The following DAB1 variants were observed in gnomAD, a reference collection of about 807,000 sequenced individuals.
DAB1 encodes disabled homolog 1.
Under a neutral mutation model 64.6 loss-of-function variants are expected in DAB1, and 15 were observed. The ratio of observed to expected loss-of-function variants is 0.23; its 90% CI spans 0.16 to 0.36. The LOEUF is 0.36. Among genes scored for constraint, DAB1 ranks in the 10% least tolerant of loss-of-function variants. DAB1 has a pLI of 1.00. For synonymous variants in DAB1, 235 were observed against 251.9 expected (o/e 0.93, Z 0.64); for missense variants, 596 against 706.7 (o/e 0.84, Z 1.78).
chr1:58,262,492 G>A (rs1661068501), intron 4 of DAB1, among the ~76,000 whole-genome samples: 1 of 152,290 alleles, frequency 6.6e-6, no homozygotes, highest in African/African-American at 2.4e-5. Flanking sequence ...GGCTGAGGCA[G>A]GAGAATCGCT....
chr1:57,340,534 C>T (rs533595024), intron 1 of DAB1, among the ~76,000 whole-genome samples: 1 of 152,358 alleles, frequency 6.6e-6, no homozygotes, highest in South Asian at 2.1e-4. Context: ...CGTGGAAACG[C>T]AGTCACTGTA....
chr1:57,155,839 A>G (rs1450486377), intron 2 of DAB1, among the ~76,000 whole-genome samples: 1 of 150,030 alleles, frequency 6.7e-6, no homozygotes, highest in Non-Finnish European at 1.5e-5. Flanking sequence ...CTATTAGCAT[A>G]TAGAAATGCT....
rs140538409 is a variant in DAB1 at position 57,040,320 on chromosome 1, C to T, written c.724-14277G>A. ...CATAAAAACAGAGATGATGATATAGCGCTCTCTGTGCTGTGTCATCATCAT... is the reference window on the plus strand; with the variant it reads ...CATAAAAACAGAGATGATGATATAGTGCTCTCTGTGCTGTGTCATCATCAT... On this transcript the variant is annotated intron_variant, in intron 9 of 14. Transcript: ENST00000371236. Among the ~76,000 whole-genome samples the T allele has an allele frequency of 2.2e-4, 33 of 152,184 alleles. No homozygotes were observed. The East Asian group carries it at 3.1e-3, about 14-fold the overall frequency.
At chr1:58,539,216 T>C (rs1349321655) in intron 1 of DAB1, 1 of 872,818 alleles carries the variant, frequency 1.1e-6, no homozygotes, top group East Asian at 2.4e-5. Context: ...GTGTTACATT[T>C]TCTCCAGTTA....
chr1:57,295,428 A>G (rs1027781958), intron 1 of DAB1, among the ~76,000 whole-genome samples: 1 of 152,208 alleles, frequency 6.6e-6, no homozygotes, highest in African/African-American at 2.4e-5. Flanking sequence ...GGCATGTTTT[A>G]TGATTCGATA....
intron 3 of DAB1, among the ~76,000 whole-genome samples, chr1:58,353,631 C>T (rs6664818): frequency 0.5 from 75,746 of 151,774 alleles, 18,852 homozygotes; most frequent in East Asian, 0.59. Context: ...AAAGATTTTC[C>T]ATGTTTCAAT....
chr1:58,414,493 T>A (rs1236063487), intron 3 of DAB1, among the ~76,000 whole-genome samples: 1 of 152,268 alleles, frequency 6.6e-6, no homozygotes, highest in Non-Finnish European at 1.5e-5. Context: ...TAGTGTTTAT[T>A]TCTCCATTCC....
Position 57,435,052 on chromosome 1 carries a change from T to C in DAB1, n.626-143886A>G, listed in dbSNP as rs1553181582. On this transcript the variant is annotated intron_variant and non_coding_transcript_variant, in intron 7 of 20. Coordinates refer to the DAB1 transcript ENST00000485760. ...CTTTTTCTTTTCTTTTTTTCTTTTT[T>C]TTTTTTTTTTTTTTGAGAGAGAGTC... Among the ~76,000 whole-genome samples the C allele has an allele frequency of 4.2e-5, 6 of 142,724 alleles. No homozygotes were observed. In the South Asian group the frequency reaches 6.9e-4, roughly 16 times the overall value. The allele number at this position is 142,724 out of a possible 152,430, so 93.6% of individuals were successfully genotyped here. A position where few individuals can be genotyped will look rare whatever the true frequency, so the allele number is the denominator to read the frequency against.
At chr1:58,114,091 CAAA>C (rs530606878) in intron 5 of DAB1, among the ~76,000 whole-genome samples, 5,961 of 109,930 alleles carry the variant, frequency 0.054, 165 homozygotes, top group Admixed American at 0.084. Context: ...TACTAAAATA[CAAA>C]AAAAAAAAAA....
At chr1:57,365,287 A>G (rs1483509303) in intron 1 of DAB1, among the ~76,000 whole-genome samples, 1 of 142,074 alleles carries the variant, frequency 7.0e-6, no homozygotes, top group African/African-American at 2.6e-5. Context: ...ATATATTTAT[A>G]TATTATATAA....
At chr1:57,225,036 G>C (rs1667157235) in intron 2 of DAB1, among the ~76,000 whole-genome samples, 1 of 152,192 alleles carries the variant, frequency 6.6e-6, no homozygotes, top group Non-Finnish European at 1.5e-5. Flanking sequence ...GGACACCTAG[G>C]GACAGAAGAG....
chr1:57,312,193 A>C (rs1430631245), intron 1 of DAB1, among the ~76,000 whole-genome samples: 1 of 152,204 alleles, frequency 6.6e-6, no homozygotes, highest in Non-Finnish European at 1.5e-5. Context: ...CTTAGTAGTC[A>C]CTCAAAAAAT....
intron 6 of DAB1, among the ~76,000 whole-genome samples, chr1:57,742,798 G>A (rs1648064445): frequency 6.6e-6 from 1 of 152,120 alleles, no homozygotes; most frequent in African/African-American, 2.4e-5. Context: ...AGGAGTGGTG[G>A]GATTTAGAAG....
chr1:57,741,458 G>A (rs1021998397), intron 6 of DAB1, among the ~76,000 whole-genome samples: 20 of 152,226 alleles, frequency 1.3e-4, no homozygotes, highest in East Asian at 5.8e-4. Flanking sequence ...AGCTTAAAAC[G>A]TAGCCTACCT....
At chr1:58,367,849 G>A (rs372450753) in intron 3 of DAB1, among the ~76,000 whole-genome samples, 1 of 152,128 alleles carries the variant, frequency 6.6e-6, no homozygotes, top group African/African-American at 2.4e-5. Context: ...ACCATCAAAA[G>A]CTGCTGGCCT....
chr1:57,800,529 C>A (rs927095387), intron 6 of DAB1, among the ~76,000 whole-genome samples: 7 of 152,178 alleles, frequency 4.6e-5, no homozygotes, highest in African/African-American at 1.7e-4. Flanking sequence ...AAAATTAAAT[C>A]TGGAAATTTG....
intron 7 of DAB1, among the ~76,000 whole-genome samples, chr1:57,453,118 C>T (rs1004654443): frequency 6.6e-6 from 1 of 151,978 alleles, no homozygotes; most frequent in Admixed American, 6.6e-5. Flanking sequence ...TAAGAAGATA[C>T]AGACATGGAT....
At chr1:57,945,474 C>T (rs1271240287) in intron 5 of DAB1, among the ~76,000 whole-genome samples, 7 of 150,720 alleles carry the variant, frequency 4.6e-5, no homozygotes, top group Non-Finnish European at 1.0e-4. Flanking sequence ...GAGATGGGGT[C>T]TCACTATGTC....
intron 1 of DAB1, among the ~76,000 whole-genome samples, chr1:57,375,505 T>C (rs1016630437): frequency 6.6e-6 from 1 of 152,170 alleles, no homozygotes; most frequent in Non-Finnish European, 1.5e-5. Flanking sequence ...CTCTTTTACG[T>C]AGATTAAAGT....
Sources: gnomAD v4.1 joint callset for allele counts (sites outside exome capture counted in the v4.1 genomes callset) on GRCh38, gnomAD v4.1.1 for gene constraint, MANE v1.5 for transcripts, NCBI Gene and HGNC (gene_info 2026-07-23, HGNC 2026-07-21) for gene names.